The following DPYD variants were observed in gnomAD, a reference collection of about 807,000 sequenced individuals.
The protein encoded by DPYD is dihydropyrimidine dehydrogenase [NADP(+)].
Under a neutral mutation model 116.2 loss-of-function variants are expected in DPYD, and 109 were observed. The observed-to-expected ratio is 0.94, with a 90% confidence interval of 0.80 to 1.10. The LOEUF (loss-of-function observed/expected upper bound fraction) is 1.10. Among genes scored for constraint, DPYD ranks in the 50% least tolerant of loss-of-function variants. The probability of loss-of-function intolerance (pLI) is 0.00; values close to 1 mark genes in which losing one functional copy is unlikely to be tolerated. For missense variants in DPYD, 1,302 were observed against 1,254.5 expected, an observed-to-expected ratio of 1.04 and a Z score of -0.57; for synonymous variants, 440 against 432.0, an observed-to-expected ratio of 1.02 and a Z score of -0.23.
chr1:97,401,765 G>T (rs1181891402), intron 14 of DPYD, among the ~76,000 whole-genome samples: 1 of 152,012 alleles, frequency 6.6e-6, no homozygotes. Flanking sequence ...TTATATTTTT[G>T]TGCTTTACAT....
At chr1:97,494,848 T>G (rs748229564) in intron 13 of DPYD, among the ~76,000 whole-genome samples, 2 of 152,030 alleles carry the variant, frequency 1.3e-5, no homozygotes, top group African/African-American at 4.8e-5. Context: ...AGCCGGCTCC[T>G]GAGGATGAAT....
intron 12 of DPYD, among the ~76,000 whole-genome samples, chr1:97,541,749 T>C (rs1438655086): frequency 6.6e-6 from 1 of 152,164 alleles, no homozygotes; most frequent in Non-Finnish European, 1.5e-5. Flanking sequence ...TTTGGTTTCA[T>C]AGGAAAAGAG....
intron 18 of DPYD, among the ~76,000 whole-genome samples, chr1:97,267,187 A>G (rs915559074): frequency 8.5e-5 from 13 of 152,138 alleles, no homozygotes; most frequent in Non-Finnish European, 1.5e-5. Context: ...CCTCTCCAGC[A>G]TCTGTTGTTT....
At chr1:97,534,422 A>T (rs1649848159) in intron 12 of DPYD, among the ~76,000 whole-genome samples, 1 of 152,190 alleles carries the variant, frequency 6.6e-6, no homozygotes, top group Non-Finnish European at 1.5e-5. Context: ...AACTCAAAAA[A>T]AGAGAAAAGA....
At chr1:97,097,890 G>T (rs913216041) in intron 21 of DPYD, among the ~76,000 whole-genome samples, 1 of 152,052 alleles carries the variant, frequency 6.6e-6, no homozygotes, top group Non-Finnish European at 1.5e-5. Context: ...AGACCTCTCT[G>T]TATTATTTCT....
In DPYD at chr1:97,376,479, C is replaced by T. The variant is rs921153949; in HGVS notation, c.1975-2835G>A. On this transcript the variant is annotated intron_variant, in intron 15 of 22. Coordinates refer to ENST00000370192, the MANE Select transcript of DPYD (RefSeq NM_000110.4). ...CTGGCAAGGCCTTTGAAATGTGTAT[C>T]CAAGCCTCAAAAACAGACAATGCTG... 2.6e-5 allele frequency among the ~76,000 whole-genome samples: 4 copies of T among 152,138 alleles called. No individual in the cohort carries two copies. The East Asian group carries it at 7.7e-4, about 29-fold the overall frequency.
chr1:97,796,348 ATC>A (rs1242367375), intron 3 of DPYD, among the ~76,000 whole-genome samples: 51 of 152,246 alleles, frequency 3.3e-4, no homozygotes, highest in Middle Eastern at 3.4e-3. Flanking sequence ...CATTAAACTG[ATC>A]CTTCTATTCA....
intron 14 of DPYD, among the ~76,000 whole-genome samples, chr1:97,384,965 AT>A (rs1423167251): frequency 2.0e-5 from 3 of 152,064 alleles, no homozygotes; most frequent in Non-Finnish European, 4.4e-5. Context: ...TTAGGATTCA[AT>A]TTTTTTCGTC....
intron 2 of DPYD, among the ~76,000 whole-genome samples, chr1:97,850,607 T>C (rs1490422545): frequency 6.6e-6 from 1 of 151,846 alleles, no homozygotes; most frequent in East Asian, 1.9e-4. Context: ...AGTGACTGAA[T>C]AGAAGGAAAA....
At chr1:97,461,940 G>C (rs1677055751) in intron 13 of DPYD, among the ~76,000 whole-genome samples, 1 of 152,116 alleles carries the variant, frequency 6.6e-6, no homozygotes, top group African/African-American at 2.4e-5. Flanking sequence ...TCTGTTTTGA[G>C]GAACTGAAAA....
intron 1 of DPYD, among the ~76,000 whole-genome samples, chr1:97,898,961 G>A (rs753787379): frequency 1.3e-5 from 2 of 151,814 alleles, no homozygotes; most frequent in Non-Finnish European, 2.9e-5. Context: ...CCAGTTTCAG[G>A]TATGTCTTAA....
At chr1:97,180,349 G>A (rs992378833) in intron 20 of DPYD, among the ~76,000 whole-genome samples, 1 of 152,068 alleles carries the variant, frequency 6.6e-6, no homozygotes, top group African/African-American at 2.4e-5. Flanking sequence ...CTTAACGGGA[G>A]ATATAACAAA....
At chr1:97,113,774 A>G (rs1187681148) in intron 20 of DPYD, among the ~76,000 whole-genome samples, 1 of 152,156 alleles carries the variant, frequency 6.6e-6, no homozygotes, top group East Asian at 1.9e-4. Context: ...AATACAATAA[A>G]CAAGAAAATA....
At chr1:97,391,260 G>C (rs1021824229) in intron 14 of DPYD, among the ~76,000 whole-genome samples, 5 of 151,882 alleles carry the variant, frequency 3.3e-5, no homozygotes, top group African/African-American at 7.2e-5. Flanking sequence ...CTAAGTGCAA[G>C]AATTGCATAT....
Position 97,098,470 on chromosome 1 carries a change from T to C in DPYD, c.2766+19A>G, listed in dbSNP as rs375268978. 7.5e-5 allele frequency: 121 copies of C among 1,610,054 alleles called. No homozygotes were observed. In the African/African-American group the frequency reaches 1.6e-3, roughly 21 times the overall value. ...AACCAGTAAAGTAGGCATACTTATA[T>C]AGTTGGCATAATTTTTACCTTGATG... is the stretch of plus-strand genomic sequence containing the variant. On this transcript the variant is annotated intron_variant, in intron 21 of 22. Coordinates refer to ENST00000370192, the MANE Select transcript of DPYD (RefSeq NM_000110.4).
Position 97,887,469 on chromosome 1 carries a change from T to TAAAAAAAAAAAAAAA in DPYD, c.40-4110_40-4096dup, listed in dbSNP as rs57316508. ...TGGGTGACAAAGTGAGACTCTGCAT[T>TAAAAAAAAAAAAAAA]AAAAAAAAAAAAAAAAAAAAAAAAA... is the stretch of plus-strand genomic sequence containing the variant. On this transcript the variant is annotated intron_variant, in intron 1 of 22. Coordinates refer to ENST00000370192, the MANE Select transcript of DPYD (RefSeq NM_000110.4). Among the ~76,000 whole-genome samples the TAAAAAAAAAAAAAAA allele has an allele frequency of 4.5e-3, 213 of 47,136 alleles. 3 individuals carry two copies. The highest frequency in any genetic ancestry group is 6.1e-3 in the Non-Finnish European group (157 of 25,556). The allele number at this position is 47,136 out of a possible 152,430, so 30.9% of individuals were successfully genotyped here.
rs575362879 is a variant in DPYD, at chr1:97,573,185, G to A, written c.1339+575C>T. 4.6e-5 allele frequency among the ~76,000 whole-genome samples: 7 copies of A among 152,140 alleles called. 1 individual carries two copies. The highest frequency in any genetic ancestry group is 1.7e-4 in the African/African-American group (7 of 41,546). ...TCTTACTTGACTGAATCATTATTCA[G>A]TTGAAATGTTATATAAAACATTTCT... is the stretch of plus-strand genomic sequence containing the variant. On this transcript the variant is annotated intron_variant, in intron 11 of 22. Coordinates refer to ENST00000370192, the MANE Select transcript of DPYD (RefSeq NM_000110.4).
intron 1 of DPYD, among the ~76,000 whole-genome samples, chr1:97,916,515 T>A (rs1291841516): frequency 6.6e-6 from 1 of 152,194 alleles, no homozygotes; most frequent in African/African-American, 2.4e-5. Flanking sequence ...GAACTCATAA[T>A]CTTTTTAAAA....
At chr1:97,433,839 G>A (rs924453945) in intron 14 of DPYD, among the ~76,000 whole-genome samples, 4 of 152,024 alleles carry the variant, frequency 2.6e-5, no homozygotes, top group African/African-American at 9.7e-5. Flanking sequence ...TTATAGTCGA[G>A]GTAACAATAA....
Sources: gnomAD v4.1 joint callset for allele counts (sites outside exome capture counted in the v4.1 genomes callset) on GRCh38, gnomAD v4.1.1 for gene constraint, MANE v1.5 for transcripts, NCBI Gene and HGNC (gene_info 2026-07-23, HGNC 2026-07-21) for gene names.